MAP4K5: variants seen among roughly 807,000 people sequenced by gnomAD.
MAP4K5 encodes MAPK/ERK kinase kinase kinase 5.
Under a neutral mutation model 135.6 loss-of-function variants are expected in MAP4K5, and 82 were observed. The ratio of observed to expected loss-of-function variants is 0.60; its 90% confidence interval spans 0.51 to 0.73. MAP4K5 has a LOEUF of 0.73. MAP4K5 is among the 30% of genes least tolerant of loss of function. The pLI, the probability that MAP4K5 is intolerant of heterozygous loss-of-function variation, is 0.00. For synonymous variants in MAP4K5, 347 were observed against 335.0 expected, an observed-to-expected ratio of 1.04 and a Z score of -0.39; for missense variants, 907 against 1,010.9, an observed-to-expected ratio of 0.90 and a Z score of 1.39.
At chr14:50,434,247 T>TA (rs2036038399) in intron 28 of MAP4K5, 147 bp downstream of exon 28, 1 of 608,940 alleles carries the variant, frequency 1.6e-6, no homozygotes, top group Non-Finnish European at 2.8e-6. Context: ...TAAATATACG[T>TA]ACACGGTTCT....
At chr14:50,507,560 T>C (rs973715403) in intron 2 of MAP4K5, among the ~76,000 whole-genome samples, 6 of 152,344 alleles carry the variant, frequency 3.9e-5, no homozygotes, top group East Asian at 1.9e-4. Context: ...TTTGTTCTCA[T>C]TGGTTTCAAA....
Position 50,532,519 on chromosome 14 carries a change from C to G in MAP4K5, c.-181G>C, listed in dbSNP as rs946903256. 8 of 152,358 alleles carry G rather than the reference C, an allele frequency of 5.3e-5. No individual in the cohort carries two copies. Among genetic ancestry groups the G allele is most frequent in the African/African-American group, 1.7e-4 (7 of 41,402 alleles). The allele number at this position is 152,358 out of a possible 1,614,324, so 9.4% of individuals were successfully genotyped here. ...TCCGGGTTTGCCGTCGCCGCCGCCG[C>G]CACTCAGCCGCTGCACGGCGCGTCC... On this transcript the variant is annotated 5_prime_UTR_variant, in exon 1 of 33. Transcript: ENST00000682126.
chr14:50,451,273 A>C (rs1412532581), intron 14 of MAP4K5, among the ~76,000 whole-genome samples: 1 of 152,068 alleles, frequency 6.6e-6, no homozygotes, highest in Non-Finnish European at 1.5e-5. Flanking sequence ...AAAAAAACTT[A>C]CGTGTGGATA....
At chr14:50,435,177 GTCTTT>G (rs2036062801) in intron 26 of MAP4K5, 112 bp from the exon 27 acceptor site, 1 of 508,480 alleles carries the variant, frequency 2.0e-6, no homozygotes, top group East Asian at 3.0e-5. Flanking sequence ...AAAAGACTGT[GTCTTT>G]TCTTTTGGCT....
chr14:50,524,458 C>T (rs2038217011), intron 2 of MAP4K5, among the ~76,000 whole-genome samples: 1 of 151,904 alleles, frequency 6.6e-6, no homozygotes, highest in African/African-American at 2.4e-5. Flanking sequence ...CAACAGTAAA[C>T]ATAAGATCTC....
Sources: allele counts gnomAD v4.1 joint callset (sites outside exome capture counted in the v4.1 genomes callset), GRCh38; gene constraint gnomAD v4.1.1; transcripts MANE v1.5; gene names NCBI Gene and HGNC (gene_info 2026-07-23, HGNC 2026-07-21).